Variants in MAD1L1 observed in about 807,000 individuals in gnomAD.
The protein encoded by MAD1L1 is mitotic arrest deficient 1 like 1.
A neutral mutation model predicts 96.9 loss-of-function variants in MAD1L1; 95 were observed. The observed-to-expected ratio is 0.98, with a 90% CI of 0.83 to 1.16. The LOEUF (loss-of-function observed/expected upper bound fraction) is 1.16, where lower values mean the gene tolerates loss of function less well. MAD1L1 is among the 50% of genes most tolerant of loss of function. The probability of loss-of-function intolerance (pLI) is 0.00; values close to 1 mark genes in which losing one functional copy is unlikely to be tolerated. For synonymous variants in MAD1L1, 473 were observed against 396.6 expected (o/e 1.19, Z -2.29); for missense variants, 1,007 against 954.4 (o/e 1.06, Z -0.73).
At chr7:1,914,668 CAG>C (rs1049795799) in intron 17 of MAD1L1, among the ~76,000 whole-genome samples, 4 of 152,208 alleles carry the variant, frequency 2.6e-5, no homozygotes, top group African/African-American at 7.2e-5. Context: ...GGGTAGCGAA[CAG>C]GGGTGCGATC....
At chr7:1,882,123 G>C in intron 18 of MAD1L1, among the ~76,000 whole-genome samples, 1 of 152,196 alleles carries the variant, frequency 6.6e-6, no homozygotes, top group East Asian at 1.9e-4. Flanking sequence ...TGGGGCCAGG[G>C]CACGAGATGA....
chr7:1,855,995 G>A (rs936791630), intron 18 of MAD1L1, among the ~76,000 whole-genome samples: 1 of 152,178 alleles, frequency 6.6e-6, no homozygotes, highest in African/African-American at 2.4e-5. Flanking sequence ...GCTGAGGGGA[G>A]GCACTTCCTC....
intron 12 of MAD1L1, among the ~76,000 whole-genome samples, chr7:2,046,831 G>T (rs912771338): frequency 1.1e-4 from 17 of 152,176 alleles, no homozygotes; most frequent in Non-Finnish European, 2.2e-4. Flanking sequence ...CCAGACAGGA[G>T]CCTCAGGTCT....
chr7:1,923,485 A>ACCT (rs758581092), intron 17 of MAD1L1, among the ~76,000 whole-genome samples: 1 of 135,266 alleles, frequency 7.4e-6, no homozygotes, highest in Non-Finnish European at 1.6e-5. Context: ...CCGCCCCGGC[A>ACCT]GCCGGGCAAC....
intron 18 of MAD1L1, among the ~76,000 whole-genome samples, chr7:1,887,340 T>G (rs1248918341): frequency 2.6e-5 from 4 of 151,556 alleles, no homozygotes; most frequent in East Asian, 1.9e-4. Context: ...TGGCTGCCTG[T>G]GTACGTGTGA....
intron 18 of MAD1L1, among the ~76,000 whole-genome samples, chr7:1,851,095 A>G (rs917103880): frequency 9.2e-5 from 14 of 152,378 alleles, no homozygotes; most frequent in Admixed American, 7.2e-4. Context: ...ACAGGCCACA[A>G]GCGTCTGTGC....
At chr7:2,166,074 C>T (rs1031156501) in intron 10 of MAD1L1, among the ~76,000 whole-genome samples, 5 of 152,236 alleles carry the variant, frequency 3.3e-5, no homozygotes, top group Non-Finnish European at 7.3e-5. Context: ...CATGTGGAAA[C>T]TTCTGACAAG....
intron 16 of MAD1L1, among the ~76,000 whole-genome samples, chr7:1,954,645 G>C (rs958092665): frequency 6.6e-6 from 1 of 152,190 alleles, no homozygotes; most frequent in African/African-American, 2.4e-5. Flanking sequence ...GGGTCCGCCC[G>C]ATTTCTGTCT....
intron 17 of MAD1L1, among the ~76,000 whole-genome samples, chr7:1,916,448 C>A (rs1220667697): frequency 6.6e-6 from 1 of 152,166 alleles, no homozygotes; most frequent in African/African-American, 2.4e-5. Context: ...AGGAGCAAAA[C>A]ACACGTCATG....
intron 5 of MAD1L1, among the ~76,000 whole-genome samples, chr7:2,221,702 C>T (rs1256112996): frequency 2.6e-5 from 4 of 152,162 alleles, no homozygotes; most frequent in African/African-American, 7.2e-5. Flanking sequence ...GGCAATTATC[C>T]GACGCCATCA....
Position 2,116,338 on chromosome 7 carries a change from T to C in MAD1L1, c.1073+32814A>G, listed in dbSNP as rs912006399. Among the ~76,000 whole-genome samples, 7 of 152,232 alleles carry C rather than the reference T, an allele frequency of 4.6e-5. No individual in the cohort carries two copies. The South Asian group carries it at 6.2e-4, about 14-fold the overall frequency. ...ACTCATCTCATATTCCTGAAGCACCTAAAGTGGGCTGCACACAGCAGGTGT... is the reference window on the plus strand; with the variant it reads ...ACTCATCTCATATTCCTGAAGCACCCAAAGTGGGCTGCACACAGCAGGTGT... On this transcript the variant is annotated intron_variant, in intron 11 of 18. Coordinates refer to ENST00000265854, the MANE Select transcript of MAD1L1 (RefSeq NM_001013836.2).
At chr7:1,994,798 C>A (rs2128490035) in intron 14 of MAD1L1, among the ~76,000 whole-genome samples, 2 of 152,328 alleles carry the variant, frequency 1.3e-5, no homozygotes, top group East Asian at 3.9e-4. Context: ...TCCTGGACTT[C>A]CAGCCTGCAG....
At chr7:1,886,757 C>A (rs1473408304) in intron 18 of MAD1L1, among the ~76,000 whole-genome samples, 2 of 152,394 alleles carry the variant, frequency 1.3e-5, no homozygotes, top group African/African-American at 4.8e-5. Context: ...TGGCCAGGCA[C>A]ATGGCACTGT....
At chr7:2,087,447 C>T (rs772583749) in intron 11 of MAD1L1, among the ~76,000 whole-genome samples, 3 of 152,012 alleles carry the variant, frequency 2.0e-5, no homozygotes, top group African/African-American at 4.8e-5. Context: ...GGCTGAGGCA[C>T]GATAATCACT....
At chr7:2,172,832 C>T (rs985202032) in intron 10 of MAD1L1, among the ~76,000 whole-genome samples, 5 of 152,196 alleles carry the variant, frequency 3.3e-5, no homozygotes, top group Admixed American at 2.0e-4. Context: ...TCCCGTGGGG[C>T]GAAGTCAGAA....
rs185484105 is a variant in MAD1L1 at position 1,854,273 on chromosome 7, G to A, written c.1999-38045C>T. The stretch of plus-strand genomic sequence containing the variant: ...TTGGGTACTGAGCCCGCTGGGGCTG[G>A]GAGTGGCTGAGACTGCCCCAGCCCC... On this transcript the variant is annotated intron_variant, in intron 18 of 18. Transcript: ENST00000265854. The A allele has an allele frequency of 6.6e-3, 2,657 of 405,630 alleles. 24 individuals carry two copies. The highest frequency in any genetic ancestry group is 9.7e-3 in the Non-Finnish European group (1,995 of 204,950). The allele number at this position is 405,630 out of a possible 1,614,324, so 25.1% of individuals were successfully genotyped here.
chr7:1,856,254 A>C (rs1390641052), intron 18 of MAD1L1, among the ~76,000 whole-genome samples: 2 of 152,162 alleles, frequency 1.3e-5, no homozygotes, highest in Admixed American at 6.5e-5. Context: ...TGGGGCCAGC[A>C]GGTCGGGTTG....
At chr7:2,160,715 C>T (rs1420833794) in intron 10 of MAD1L1, among the ~76,000 whole-genome samples, 2 of 152,046 alleles carry the variant, frequency 1.3e-5, no homozygotes, top group Non-Finnish European at 2.9e-5. Context: ...TCACTGGAAT[C>T]TCCGCTCTCC....
At chr7:2,171,113 G>A (rs960669023) in intron 10 of MAD1L1, among the ~76,000 whole-genome samples, 1 of 152,240 alleles carries the variant, frequency 6.6e-6, no homozygotes, top group Non-Finnish European at 1.5e-5. Flanking sequence ...TGCCATTAAT[G>A]AATGGGGTAG....
Sources: gnomAD v4.1 joint callset for allele counts (sites outside exome capture counted in the v4.1 genomes callset) on GRCh38, gnomAD v4.1.1 for gene constraint, MANE v1.5 for transcripts, NCBI Gene and HGNC (gene_info 2026-07-23, HGNC 2026-07-21) for gene names.